The following ATP2B2 variants were observed in gnomAD, a reference collection of about 807,000 sequenced individuals.
ATP2B2 encodes the protein plasma membrane calcium-transporting ATPase 2.
A neutral mutation model predicts 120.0 loss-of-function variants in ATP2B2; 15 were observed. That is an observed-to-expected ratio of 0.12 (90% CI 0.08 to 0.19). The LOEUF (loss-of-function observed/expected upper bound fraction) is 0.19, where lower values mean the gene tolerates loss of function less well. ATP2B2 is among the 10% of genes least tolerant of loss of function. ATP2B2 has a pLI of 1.00. For synonymous variants in ATP2B2, 694 were observed against 700.3 expected, an observed-to-expected ratio of 0.99 and a Z score of 0.14; for missense variants, 1,045 against 1,719.8, an observed-to-expected ratio of 0.61 and a Z score of 6.94.
At chr3:10,624,175 T>G (rs7617170) in intron 1 of ATP2B2, among the ~76,000 whole-genome samples, 1,597 of 152,264 alleles carry the variant, frequency 0.01, 18 homozygotes, top group African/African-American at 0.033. Context: ...CCTTGAAAAC[T>G]TTTTTTGGAA....
intron 1 of ATP2B2, among the ~76,000 whole-genome samples, chr3:10,696,268 G>C (rs2071740391): frequency 6.6e-6 from 1 of 152,220 alleles, no homozygotes; most frequent in Non-Finnish European, 1.5e-5. Context: ...GGATTTCATA[G>C]ACATGTTCTC....
chr3:10,402,766 C>G lies in ATP2B2; in HGVS notation c.398-418G>C, dbSNP rs2062265810. 2.0e-5 allele frequency among the ~76,000 whole-genome samples: 3 copies of G among 152,176 alleles called. No individual in the cohort carries two copies. The highest frequency in any genetic ancestry group is 2.0e-4 in the Admixed American group (3 of 15,288). On this transcript the variant is annotated intron_variant, in intron 3 of 22. Coordinates refer to ENST00000360273, the MANE Select transcript of ATP2B2 (RefSeq NM_001001331.4). The surrounding 1 kb of genome is among the most constrained non-coding windows in gnomAD (Gnocchi z 4.9). ...TTTTTCTCATCTGGGTAAGAATATT[C>G]TCTATCTCGGGGACCTATTGTCAGA...
At chr3:10,451,171 G>A (rs1396324669) in intron 1 of ATP2B2, among the ~76,000 whole-genome samples, 1 of 152,246 alleles carries the variant, frequency 6.6e-6, no homozygotes, top group African/African-American at 2.4e-5. Context: ...CACGGAGTGA[G>A]AGTGCTGAGG....
At chr3:10,416,250 C>T (rs1286496176) in intron 2 of ATP2B2, among the ~76,000 whole-genome samples, 1 of 152,168 alleles carries the variant, frequency 6.6e-6, no homozygotes, top group Non-Finnish European at 1.5e-5. Flanking sequence ...TGCTTGCTGT[C>T]AGTGGGTATT....
chr3:10,473,869 G>A (rs759144795), intron 1 of ATP2B2, among the ~76,000 whole-genome samples: 6 of 152,206 alleles, frequency 3.9e-5, no homozygotes, highest in Admixed American at 1.3e-4. Flanking sequence ...AAGCATAAGG[G>A]CCAGATCACA....
At chr3:10,529,225 G>C (rs915035347) in intron 3 of ATP2B2, among the ~76,000 whole-genome samples, 6 of 152,194 alleles carry the variant, frequency 3.9e-5, no homozygotes, top group African/African-American at 1.4e-4. Flanking sequence ...AAAGACAGGA[G>C]GTGACCCAGG....
intron 1 of ATP2B2, among the ~76,000 whole-genome samples, chr3:10,686,240 A>G (rs1424134990): frequency 1.3e-5 from 2 of 152,054 alleles, no homozygotes; most frequent in Non-Finnish European, 2.9e-5. Flanking sequence ...GAGATCACTC[A>G]AACTCTAGAC....
At position 10,524,354 on chromosome 3, in the gene ATP2B2, C is replaced by G. The variant is rs996812385; in HGVS notation, c.-320+9685G>C. Among the ~76,000 whole-genome samples the G allele has an allele frequency of 3.9e-5, 6 of 152,334 alleles. 1 individual carries two copies. The highest frequency in any genetic ancestry group is 3.3e-4 in the Admixed American group (5 of 15,308). On this transcript the variant is annotated intron_variant, in intron 3 of 21. Transcript: ENST00000646379. Reference sequence around the variant, plus strand: ...ACCCACACCAGGCAACTATTTAGTTCTCATAGCCACGTCCTGAGGCGAGTG... The same window carrying G: ...ACCCACACCAGGCAACTATTTAGTTGTCATAGCCACGTCCTGAGGCGAGTG...
At position 10,402,468 on chromosome 3, in the gene ATP2B2, C is replaced by G. The variant is rs1329296893; in HGVS notation, c.398-120G>C. 2.9e-5 allele frequency: 42 copies of G among 1,447,452 alleles called. No individual in the cohort carries two copies. Among genetic ancestry groups the G allele is most frequent in the Non-Finnish European group, 3.8e-5 (40 of 1,046,512 alleles). The allele number at this position is 1,447,452 out of a possible 1,614,324, so 89.7% of individuals were successfully genotyped here. On this transcript the variant is annotated intron_variant, in intron 3 of 22. Coordinates refer to ENST00000360273, the MANE Select transcript of ATP2B2 (RefSeq NM_001001331.4). This position sits in a 1 kb window ranked among gnomAD's most constrained non-coding sequence, Gnocchi z 4.9. ...GTGTTAAGAATCAGATGATAATTAT[C>G]CACTTACTCAGTGTGTCTGGGTACC...
chr3:10,539,823 C>T (rs1158305943), intron 2 of ATP2B2, among the ~76,000 whole-genome samples: 3 of 152,174 alleles, frequency 2.0e-5, no homozygotes, highest in African/African-American at 7.2e-5. Flanking sequence ...GACTTCATGA[C>T]TAAAACACCA....
intron 2 of ATP2B2, among the ~76,000 whole-genome samples, chr3:10,443,696 C>A (rs779443891): frequency 2.0e-5 from 3 of 152,194 alleles, no homozygotes; most frequent in Non-Finnish European, 2.9e-5. Context: ...CCAGACCTAT[C>A]CCTGGAGTTT....
intron 22 of ATP2B2, among the ~76,000 whole-genome samples, chr3:10,336,536 G>A (rs952239624): frequency 6.6e-6 from 1 of 152,206 alleles, no homozygotes; most frequent in Non-Finnish European, 1.5e-5. Context: ...CCTTTGTCCT[G>A]TGCTAGTGGC....
chr3:10,649,259 T>C (rs764611181), intron 1 of ATP2B2, among the ~76,000 whole-genome samples: 2 of 152,256 alleles, frequency 1.3e-5, no homozygotes, highest in Admixed American at 6.5e-5. Context: ...CCTTCAGTCA[T>C]ACTCACCACA....
intron 2 of ATP2B2, among the ~76,000 whole-genome samples, chr3:10,547,548 A>C (rs2067577786): frequency 6.6e-6 from 1 of 152,158 alleles, no homozygotes; most frequent in African/African-American, 2.4e-5. Flanking sequence ...GTTGGCTTAC[A>C]TTTCCCAAAG....
chr3:10,511,737 C>T (rs1357013457), intron 3 of ATP2B2, among the ~76,000 whole-genome samples: 2 of 152,168 alleles, frequency 1.3e-5, no homozygotes, highest in Admixed American at 1.3e-4. Flanking sequence ...GCCCCTATTC[C>T]TAAATGGCCC....
In ATP2B2 at chr3:10,449,340, C is replaced by T. The variant is rs1383251560; in HGVS notation, c.199+5G>A. 6.2e-7 allele frequency: 1 copy of T among 1,614,210 alleles called. No homozygotes were observed. Among genetic ancestry groups the T allele is most frequent in the Non-Finnish European group, 8.5e-7 (1 of 1,180,026 alleles). ...CAGCCCTGGGTTCAAGTCTTGAACA[C>T]TTACCTTCAACAGGTGAGGTTTTGA... On this transcript the variant is annotated splice_donor_5th_base_variant and intron_variant, in intron 2 of 22. Transcript: ENST00000360273.
chr3:10,596,662 A>G (rs900228469), intron 2 of ATP2B2, among the ~76,000 whole-genome samples: 50 of 152,344 alleles, frequency 3.3e-4, no homozygotes, highest in African/African-American at 1.1e-3. Flanking sequence ...AGGATTGTGA[A>G]TTCCTTGGCG....
chr3:10,573,870 G>A (rs748125576), intron 2 of ATP2B2, among the ~76,000 whole-genome samples: 5 of 152,150 alleles, frequency 3.3e-5, no homozygotes, highest in Non-Finnish European at 7.4e-5. Flanking sequence ...GGAGCTGTCA[G>A]CCCAGCAAAT....
rs1315312353 is a variant in ATP2B2, at chr3:10,325,802, A to G, written c.*3012T>C. On this transcript the variant is annotated 3_prime_UTR_variant, in exon 23 of 23. Transcript: ENST00000360273. ...TGAACGGGCTCCCTGCCCTTCCCTC[A>G]TCTGTTGAGGGGGAGACAAGTTGGT... is the stretch of plus-strand genomic sequence containing the variant. 6.6e-6 allele frequency: 1 copy of G among 152,216 alleles called. No homozygotes were observed. The highest frequency in any genetic ancestry group is 2.4e-5 in the African/African-American group (1 of 41,454). The allele number at this position is 152,216 out of a possible 1,614,324, so 9.4% of individuals were successfully genotyped here. A position where few individuals can be genotyped will look rare whatever the true frequency, so the allele number is the denominator to read the frequency against.
Sources: gnomAD v4.1 joint callset for allele counts (sites outside exome capture counted in the v4.1 genomes callset) on GRCh38, gnomAD v4.1.1 for gene constraint, Gnocchi (gnomAD v3.1) non-coding constraint, MANE v1.5 for transcripts, NCBI Gene and HGNC (gene_info 2026-07-23, HGNC 2026-07-21) for gene names.